Variants in IL1RAPL1 observed in about 807,000 individuals in gnomAD.
IL1RAPL1 encodes interleukin 1 receptor accessory protein like 1.
A neutral mutation model predicts 48.4 loss-of-function variants in IL1RAPL1; 3 were observed. The observed-to-expected ratio is 0.06, with a 90% CI of 0.03 to 0.16. The LOEUF (loss-of-function observed/expected upper bound fraction) is 0.16, where lower values mean the gene tolerates loss of function less well. Ranked by LOEUF, IL1RAPL1 falls within the 10% of genes least tolerant of loss-of-function variation. IL1RAPL1 has a pLI of 1.00. For missense variants in IL1RAPL1, 349 were observed against 530.6 expected, an observed-to-expected ratio of 0.66 and a Z score of 3.36; for synonymous variants, 185 against 187.7, an observed-to-expected ratio of 0.99 and a Z score of 0.12.
At chrX:29,336,226 A>G (rs1414507675) in intron 3 of IL1RAPL1, among the ~76,000 whole-genome samples, 1 of 98,380 alleles carries the variant, frequency 1.0e-5, no homozygotes, top group Non-Finnish European at 2.0e-5. Flanking sequence ...CACCTTTAAT[A>G]TATCATATGT....
At chrX:29,464,006 T>G (rs1255132462) in intron 5 of IL1RAPL1, among the ~76,000 whole-genome samples, 1 of 111,752 alleles carries the variant, frequency 8.9e-6, no homozygotes, top group East Asian at 2.8e-4. Context: ...ACCTACCTGA[T>G]ATTTAACTCC....
At chrX:29,004,292 CAAATTTATGGA>C (rs1384038717) in intron 2 of IL1RAPL1, among the ~76,000 whole-genome samples, 2 of 112,078 alleles carry the variant, frequency 1.8e-5, no homozygotes, top group Non-Finnish European at 3.8e-5. Context: ...TTTTAGAAAT[CAAATTTATGGA>C]AAACGTACTA....
intron 8 of IL1RAPL1, among the ~76,000 whole-genome samples, chrX:29,935,595 G>A (rs1262189510): frequency 9.0e-6 from 1 of 111,447 alleles, no homozygotes; most frequent in African/African-American, 3.3e-5. Context: ...CACCCTTCTT[G>A]CCTAGTTGAA....
intron 1 of IL1RAPL1, among the ~76,000 whole-genome samples, chrX:28,713,814 C>CA (rs1259708423): frequency 1.8e-5 from 2 of 110,917 alleles, no homozygotes; most frequent in Non-Finnish European, 3.8e-5. Context: ...CTAAATATGA[C>CA]AAAAAAAGGT....
intron 2 of IL1RAPL1, among the ~76,000 whole-genome samples, chrX:29,080,827 C>T (rs1489966788): frequency 4.7e-5 from 5 of 107,499 alleles, no homozygotes; most frequent in African/African-American, 1.4e-4. Flanking sequence ...GCTGCAACCT[C>T]CCACTCCTGG....
chrX:29,890,710 A>G (rs1315117937), intron 6 of IL1RAPL1, among the ~76,000 whole-genome samples: 1 of 111,977 alleles, frequency 8.9e-6, no homozygotes, highest in Non-Finnish European at 1.9e-5. Flanking sequence ...CTTTGTTTTA[A>G]CCATCCTAAG....
At chrX:29,854,490 T>A (rs5971865) in intron 6 of IL1RAPL1, among the ~76,000 whole-genome samples, 4,980 of 111,450 alleles carry the variant, frequency 0.045, 268 homozygotes, top group African/African-American at 0.15. Flanking sequence ...AAATATCAGA[T>A]GAATGCTATT....
chrX:29,121,264 TAAAAG>T (rs1928778875), intron 2 of IL1RAPL1, among the ~76,000 whole-genome samples: 1 of 111,698 alleles, frequency 9.0e-6, no homozygotes, highest in Non-Finnish European at 1.9e-5. Flanking sequence ...AAAAAGAAAA[TAAAAG>T]GTACAGATGC....
intron 2 of IL1RAPL1, among the ~76,000 whole-genome samples, chrX:28,968,475 G>A (rs1924975405): frequency 9.0e-6 from 1 of 111,384 alleles, no homozygotes; most frequent in African/African-American, 3.3e-5. Context: ...ATGTCCCTCA[G>A]CCTCTTTAAC....
intron 6 of IL1RAPL1, among the ~76,000 whole-genome samples, chrX:29,693,631 A>T (rs7471214): frequency 0.19 from 21,482 of 111,236 alleles, 2,309 homozygotes; most frequent in African/African-American, 0.41. Flanking sequence ...TACTCTCTAT[A>T]AGCTAAACTG....
chrX:29,199,841 A>G (rs1481403869), intron 2 of IL1RAPL1, among the ~76,000 whole-genome samples: 2 of 111,920 alleles, frequency 1.8e-5, no homozygotes, highest in African/African-American at 6.5e-5. Flanking sequence ...GAATAATGGT[A>G]TGAAACGAAT....
At chrX:29,396,480 A>G (rs1177248913) in intron 4 of IL1RAPL1, 36 bp downstream of exon 4, 5 of 1,119,605 alleles carry the variant, frequency 4.5e-6, no homozygotes, top group Middle Eastern at 2.4e-4. Flanking sequence ...CCTATTAACA[A>G]ATTAATTGTG....
At position 29,905,345 on chromosome X, in the gene IL1RAPL1, T is replaced by C. The variant is rs767447054; in HGVS notation, c.779-12119T>C. On this transcript the variant is annotated intron_variant, in intron 6 of 10. Transcript: ENST00000378993. ...TTCACTCTAATACTAGTTTCTTTTG[T>C]TGTGCAGAAGCTCTTTAGTTTAATT... Among the ~76,000 whole-genome samples, 5 of 111,860 alleles carry C rather than the reference T, an allele frequency of 4.5e-5. No homozygotes were observed. The South Asian group carries it at 1.8e-3, about 41-fold the overall frequency.
chrX:28,679,897 T>G (rs1018386580), intron 1 of IL1RAPL1, among the ~76,000 whole-genome samples: 1 of 111,774 alleles, frequency 8.9e-6, no homozygotes, highest in Admixed American at 9.5e-5. Flanking sequence ...GTATGATGCC[T>G]TCAGTTTTAA....
chrX:29,931,920 G>T (rs1932954371), intron 8 of IL1RAPL1, among the ~76,000 whole-genome samples: 1 of 112,602 alleles, frequency 8.9e-6, no homozygotes, highest in African/African-American at 3.2e-5. Flanking sequence ...CTGTCTGTTT[G>T]TATGACATGT....
At chrX:28,616,569 G>T (rs1404075583) in intron 1 of IL1RAPL1, among the ~76,000 whole-genome samples, 3 of 110,460 alleles carry the variant, frequency 2.7e-5, no homozygotes, top group Admixed American at 9.6e-5. Flanking sequence ...AAGTAGCGGG[G>T]ACTACAGGCG....
chrX:29,495,647 C>T (rs184580997), intron 5 of IL1RAPL1, among the ~76,000 whole-genome samples: 6 of 111,392 alleles, frequency 5.4e-5, no homozygotes, highest in East Asian at 2.8e-4. Context: ...TTGTTTCCCC[C>T]GACAGTTGTG....
At chrX:29,890,814 C>T (rs906819676) in intron 6 of IL1RAPL1, among the ~76,000 whole-genome samples, 1 of 112,015 alleles carries the variant, frequency 8.9e-6, no homozygotes, top group Non-Finnish European at 1.9e-5. Context: ...CACACAGTTC[C>T]TGTGAGCTAT....
chrX:29,477,713 G>T (rs1041818045), intron 5 of IL1RAPL1, among the ~76,000 whole-genome samples: 2 of 112,032 alleles, frequency 1.8e-5, no homozygotes, highest in Non-Finnish European at 3.8e-5. Flanking sequence ...GAGAAGTTAC[G>T]TGACCTGTCC....
Sources: gnomAD v4.1 joint callset for allele counts (sites outside exome capture counted in the v4.1 genomes callset) on GRCh38, gnomAD v4.1.1 for gene constraint, MANE v1.5 for transcripts, NCBI Gene and HGNC (gene_info 2026-07-23, HGNC 2026-07-21) for gene names.